The following CACNG5 variants were observed in gnomAD, a reference collection of about 807,000 sequenced individuals.
The protein encoded by CACNG5 is calcium voltage-gated channel auxiliary subunit gamma 5, also known as voltage-dependent calcium channel gamma-5 subunit.
A neutral mutation model predicts 24.8 loss-of-function variants in CACNG5; 18 were observed. The ratio of observed to expected loss-of-function variants is 0.73; its 90% CI spans 0.50 to 1.08. CACNG5 has a LOEUF of 1.08. Ranked by LOEUF, CACNG5 falls within the 50% of genes least tolerant of loss-of-function variation. The pLI is 0.00. For synonymous variants in CACNG5, 157 were observed against 149.1 expected (o/e 1.05, Z -0.39); for missense variants, 349 against 367.9 (o/e 0.95, Z 0.42).
Position 66,842,348 on chromosome 17 carries a change from G to A in CACNG5, c.-104+7098G>A, listed in dbSNP as rs139086910. ...CTTCTCCATGGGTAAGACAGATAAT[G>A]AGAGCACTGTCAGGAGGGTTTGTGG... is the stretch of plus-strand genomic sequence containing the variant. On this transcript the variant is annotated intron_variant, in intron 1 of 5. Transcript: ENST00000533854. Among the ~76,000 whole-genome samples the A allele has an allele frequency of 3.7e-3, 570 of 152,332 alleles. 8 individuals are homozygous for A. Among genetic ancestry groups the A allele is most frequent in the African/African-American group, 0.013 (534 of 41,564 alleles).
At chr17:66,877,591 TC>T in intron 2 of CACNG5, 63 bp downstream of exon 2, 2 of 1,414,578 alleles carry the variant, frequency 1.4e-6, no homozygotes, top group African/African-American at 2.8e-5. Context: ...AAGAGGTCCC[TC>T]CCTGGGAAGA....
At chr17:66,865,633 C>CTT (rs10707080) in intron 1 of CACNG5, among the ~76,000 whole-genome samples, 1 of 137,524 alleles carries the variant, frequency 7.3e-6, no homozygotes, top group Non-Finnish European at 1.6e-5. Context: ...GACAAAATTT[C>CTT]TTTTTTTTTT....
At chr17:66,860,334 C>G (rs562151121) in intron 1 of CACNG5, among the ~76,000 whole-genome samples, 1 of 152,172 alleles carries the variant, frequency 6.6e-6, no homozygotes, top group Non-Finnish European at 1.5e-5. Flanking sequence ...ATGCCACACC[C>G]AGACACATCA....
chr17:66,857,210 C>A (rs1406561295), intron 1 of CACNG5, among the ~76,000 whole-genome samples: 1 of 151,326 alleles, frequency 6.6e-6, no homozygotes, highest in African/African-American at 2.4e-5. Context: ...AATGCATGGG[C>A]TATCTTTAGA....
rs1976664366 is a variant in CACNG5 at position 66,848,263 on chromosome 17, C to G, written c.-104+13013C>G. On this transcript the variant is annotated intron_variant, in intron 1 of 5. Transcript: ENST00000533854. Reference sequence around the variant, plus strand: ...TTTCTGGGTATCCCTGTATTCTCCCCTCATTCCAATCCCACAGGAAACTTC... The same window carrying G: ...TTTCTGGGTATCCCTGTATTCTCCCGTCATTCCAATCCCACAGGAAACTTC... Among the ~76,000 whole-genome samples, 4 of 152,324 alleles carry G rather than the reference C, an allele frequency of 2.6e-5. 1 individual carries two copies. The South Asian group carries it at 8.3e-4, about 32-fold the overall frequency.
intron 1 of CACNG5, among the ~76,000 whole-genome samples, chr17:66,870,428 C>T (rs1281443326): frequency 6.6e-6 from 1 of 152,212 alleles, no homozygotes; most frequent in Non-Finnish European, 1.5e-5. Flanking sequence ...ACAATTTTGT[C>T]TGTCACAACT....
chr17:66,878,442 C>T (rs190666658), intron 2 of CACNG5, among the ~76,000 whole-genome samples: 4 of 152,328 alleles, frequency 2.6e-5, no homozygotes, highest in African/African-American at 7.2e-5. Context: ...AGAGAAGACA[C>T]CTCAAGGTGT....
chr17:66,841,919 A>C (rs1976574742), intron 1 of CACNG5, among the ~76,000 whole-genome samples: 1 of 152,164 alleles, frequency 6.6e-6, no homozygotes, highest in Non-Finnish European at 1.5e-5. Context: ...AGCTCAAGGG[A>C]CTGTGATTAT....
rs1421179157 is a variant in CACNG5 at position 66,887,197 on chromosome 17, G to C, written c.*1957G>C. On this transcript the variant is annotated 3_prime_UTR_variant, in exon 6 of 6. Coordinates refer to ENST00000533854, the MANE Select transcript of CACNG5 (RefSeq NM_145811.3). ...AGCAGGGTGGAGGAGAAGGGTAAGA[G>C]AAGCCAGTTCTGGTCCCAATTCAGC... 1.3e-5 allele frequency among the ~76,000 whole-genome samples: 2 copies of C among 152,104 alleles called. No homozygotes were observed. Among genetic ancestry groups the C allele is most frequent in the Non-Finnish European group, 2.9e-5 (2 of 68,026 alleles).
chr17:66,838,824 A>C (rs1452824420), intron 1 of CACNG5, among the ~76,000 whole-genome samples: 2 of 151,698 alleles, frequency 1.3e-5, no homozygotes, highest in Admixed American at 6.6e-5. Flanking sequence ...ATACGACTGG[A>C]GTATTATTGG....
rs142029971 is a variant in CACNG5, at chr17:66,868,383, T to C, written c.-103-8847T>C. Among the ~76,000 whole-genome samples the C allele has an allele frequency of 5.9e-3, 899 of 152,314 alleles. 8 individuals are homozygous for C. Among genetic ancestry groups the C allele is most frequent in the African/African-American group, 0.021 (868 of 41,572 alleles). On this transcript the variant is annotated intron_variant, in intron 1 of 5. Transcript: ENST00000533854. The stretch of plus-strand genomic sequence containing the variant: ...AGGCTAGCTGTGGCTTTGCTTTTAG[T>C]CTTGGGGCAGAGAGAGCCTCACACT...
intron 1 of CACNG5, among the ~76,000 whole-genome samples, chr17:66,845,257 G>T (rs184234344): frequency 6.6e-6 from 1 of 152,072 alleles, no homozygotes; most frequent in African/African-American, 2.4e-5. Flanking sequence ...ACACATGGAC[G>T]TAGGGAGGGG....
Position 66,875,745 on chromosome 17 carries a change from A to G in CACNG5, c.-103-1485A>G, listed in dbSNP as rs114643956. On this transcript the variant is annotated intron_variant, in intron 1 of 5. Coordinates refer to ENST00000533854, the MANE Select transcript of CACNG5 (RefSeq NM_145811.3). ...AAGCACTGCTGCACCTCTTTCCCAA[A>G]CATCACTAACATCCAGTTTCAAAAG... Among the ~76,000 whole-genome samples, 870 of 152,314 alleles carry G rather than the reference A, an allele frequency of 5.7e-3. 7 individuals are homozygous for G. Among genetic ancestry groups the G allele is most frequent in the African/African-American group, 0.02 (828 of 41,572 alleles).
intron 1 of CACNG5, among the ~76,000 whole-genome samples, chr17:66,852,777 T>C (rs1447060230): frequency 2.0e-5 from 3 of 152,134 alleles, no homozygotes; most frequent in Non-Finnish European, 4.4e-5. Flanking sequence ...ATAAAGGAAA[T>C]CATACAATAT....
In CACNG5 at chr17:66,888,182, C is replaced by CT. The variant is rs1202304621; in HGVS notation, c.*2962dup. On this transcript the variant is annotated 3_prime_UTR_variant, in exon 6 of 6. Coordinates refer to ENST00000533854, the MANE Select transcript of CACNG5 (RefSeq NM_145811.3). The stretch of plus-strand genomic sequence containing the variant: ...CCCACACCTGGAACTTACTACCCTA[C>CT]TTTTTTTTTTTTTTTTTTTTGAGAT... Among the ~76,000 whole-genome samples, 21,197 of 118,552 alleles carry CT rather than the reference C, an allele frequency of 0.18. 2,278 individuals are homozygous for CT. Among genetic ancestry groups the CT allele is most frequent in the Non-Finnish European group, 0.2 (11,567 of 58,780 alleles). The allele number at this position is 118,552 out of a possible 152,430, so 77.8% of individuals were successfully genotyped here.
chr17:66,880,216 G>C (rs1977137670), intron 3 of CACNG5, among the ~76,000 whole-genome samples: 1 of 152,208 alleles, frequency 6.6e-6, no homozygotes, highest in South Asian at 2.1e-4. Flanking sequence ...GGAATGACCT[G>C]GCCCTTCCAC....
chr17:66,864,850 AAAG>A (rs1381401787), intron 1 of CACNG5, among the ~76,000 whole-genome samples: 2 of 152,246 alleles, frequency 1.3e-5, no homozygotes, highest in Non-Finnish European at 2.9e-5. Flanking sequence ...ACATTAATTT[AAAG>A]AAGAGTTGAT....
intron 1 of CACNG5, among the ~76,000 whole-genome samples, chr17:66,875,907 G>T (rs1189098906): frequency 1.3e-5 from 2 of 152,168 alleles, no homozygotes; most frequent in Non-Finnish European, 2.9e-5. Flanking sequence ...GGCTCTGCCT[G>T]CCCCCTCCAG....
intron 1 of CACNG5, among the ~76,000 whole-genome samples, chr17:66,838,960 C>CTTTTTTTTTTTTTTTTTTTTTTTTTTT (rs71160595): frequency 2.3e-5 from 2 of 88,094 alleles, no homozygotes; most frequent in Non-Finnish European, 4.2e-5. Context: ...CTCACCCATT[C>CTTTTTTTTTTTTTTTTTTTTTTTTTTT]TTTTTTTTTT....
Sources: allele counts gnomAD v4.1 joint callset (sites outside exome capture counted in the v4.1 genomes callset), GRCh38; gene constraint gnomAD v4.1.1; transcripts MANE v1.5; gene names NCBI Gene and HGNC (gene_info 2026-07-23, HGNC 2026-07-21).